Variants in AR observed in about 807,000 individuals in gnomAD.
The protein encoded by AR is dihydrotestosterone receptor.
AR carries 8 observed loss-of-function variants against 53.9 expected under a neutral mutation model. That is an observed-to-expected ratio of 0.15 (90% CI 0.09 to 0.27). AR has a LOEUF of 0.27. Among genes scored for constraint, AR ranks in the 10% least tolerant of loss-of-function variants. The probability of loss-of-function intolerance (pLI) is 1.00; values close to 1 mark genes in which losing one functional copy is unlikely to be tolerated. For synonymous variants in AR, 359 were observed against 316.4 expected (o/e 1.13, Z -1.43); for missense variants, 639 against 742.5 (o/e 0.86, Z 1.62).
chrX:67,708,207 A>C (rs773632674), intron 3 of AR, among the ~76,000 whole-genome samples: 96 of 111,851 alleles, frequency 8.6e-4, no homozygotes, highest in Non-Finnish European at 1.5e-3. Flanking sequence ...AGGTTGGGTA[A>C]GTTCTCCTGG....
chrX:67,580,331 T>G (rs1051065687), intron 1 of AR, among the ~76,000 whole-genome samples: 1 of 111,801 alleles, frequency 8.9e-6, no homozygotes, highest in Non-Finnish European at 1.9e-5. Context: ...TAATAATTAC[T>G]TCTACAAATA....
intron 1 of AR, among the ~76,000 whole-genome samples, chrX:67,631,343 T>C (rs1483342908): frequency 2.7e-5 from 3 of 111,358 alleles, no homozygotes; most frequent in Admixed American, 9.5e-5. Context: ...TCGTTTCTTT[T>C]TATTCTTTTT....
intron 2 of AR, among the ~76,000 whole-genome samples, chrX:67,660,016 T>G (rs981481922): frequency 6.2e-5 from 7 of 112,371 alleles, no homozygotes; most frequent in African/African-American, 2.3e-4. Flanking sequence ...ATGTCTTCTT[T>G]GAGACGTGTC....
At chrX:67,628,210 C>A (rs1773791725) in intron 1 of AR, among the ~76,000 whole-genome samples, 2 of 109,652 alleles carry the variant, frequency 1.8e-5, no homozygotes, top group Admixed American at 2.0e-4. Flanking sequence ...GGCATTGAAT[C>A]TATAAATTAC....
rs2147322501 is a variant in AR at position 67,546,604 on chromosome X, C to T, written c.1458C>T (p.Pro486=). The T allele has an allele frequency of 8.4e-7, 1 of 1,183,711 alleles. No homozygotes were observed. The highest frequency in any genetic ancestry group is 1.1e-6 in the Non-Finnish European group (1 of 881,351). Residue 486 remains proline (P), a synonymous_variant, in exon 1 of 8, where the codon CCC becomes CCT. Transcript: ENST00000374690. ...GAVAPYGYTR[P]PQGLAGQESD... Reference sequence around the variant, plus strand: ...TAGCCCCCTACGGCTACACTCGGCCCCCTCAGGGGCTGGCGGGCCAGGAAA... The same window carrying T: ...TAGCCCCCTACGGCTACACTCGGCCTCCTCAGGGGCTGGCGGGCCAGGAAA...
intron 1 of AR, among the ~76,000 whole-genome samples, chrX:67,568,448 G>A (rs189138350): frequency 9.0e-5 from 10 of 111,337 alleles, no homozygotes; most frequent in Admixed American, 8.6e-4. Context: ...GGAAATCGAG[G>A]GCTTCTGCTC....
chrX:67,703,369 G>C (rs1021494766), intron 3 of AR, among the ~76,000 whole-genome samples: 1 of 111,857 alleles, frequency 8.9e-6, no homozygotes, highest in Non-Finnish European at 1.9e-5. Context: ...AGTAAGCATC[G>C]GAATGCCTAA....
At chrX:67,636,090 A>T (rs962087403) in intron 1 of AR, among the ~76,000 whole-genome samples, 1 of 111,901 alleles carries the variant, frequency 8.9e-6, no homozygotes, top group African/African-American at 3.2e-5. Flanking sequence ...AACAACATTA[A>T]CATCATGATT....
chrX:67,725,284 C>T lies in AR; in HGVS notation c.*1443C>T, dbSNP rs2076153108. On this transcript the variant is annotated 3_prime_UTR_variant, in exon 8 of 8. Transcript: ENST00000374690. ...GTCACAAAGATTTCTTACCAACTCT[C>T]AGATCGCTGGAGCCCTTAGACAAAC... The T allele has an allele frequency of 5.8e-6, 1 of 173,264 alleles. No homozygotes were observed. The highest frequency in any genetic ancestry group is 3.0e-5 in the African/African-American group (1 of 33,628). 14.3% of individuals were successfully genotyped at this position (173,264 alleles called of 1,213,427 possible).
chrX:67,710,435 C>T (rs1221812068), intron 3 of AR, among the ~76,000 whole-genome samples: 1 of 111,272 alleles, frequency 9.0e-6, no homozygotes, highest in Non-Finnish European at 1.9e-5. Flanking sequence ...ATCCTTCCAC[C>T]TCTGCCTCCT....
At chrX:67,650,910 G>T (rs1194782513) in intron 2 of AR, among the ~76,000 whole-genome samples, 1 of 112,019 alleles carries the variant, frequency 8.9e-6, no homozygotes, top group Non-Finnish European at 1.9e-5. Context: ...AACAGGCCTG[G>T]TAGTAATATC....
intron 3 of AR, among the ~76,000 whole-genome samples, chrX:67,704,825 A>C (rs944484504): frequency 8.9e-6 from 1 of 112,071 alleles, no homozygotes; most frequent in Non-Finnish European, 1.9e-5. Context: ...TTTTTCTATA[A>C]GGTGTAAGGA....
chrX:67,605,725 C>G (rs780797950), intron 1 of AR, among the ~76,000 whole-genome samples: 1 of 112,291 alleles, frequency 8.9e-6, no homozygotes, highest in African/African-American at 3.2e-5. Context: ...TCATGGCTGC[C>G]AAGCAGCAGA....
At chrX:67,673,471 A>ATTTT (rs34317430) in intron 2 of AR, among the ~76,000 whole-genome samples, 1 of 68,463 alleles carries the variant, frequency 1.5e-5, no homozygotes, top group African/African-American at 5.0e-5. Context: ...ATTGTTTGCT[A>ATTTT]TTTTTTTTTT....
Position 67,545,057 on chromosome X carries a change from C to A in AR, c.-90C>A. 2 of 1,090,881 alleles carry A rather than the reference C, an allele frequency of 1.8e-6. No individual in the cohort carries two copies. The highest frequency in any genetic ancestry group is 2.4e-6 in the Non-Finnish European group (2 of 829,884). 89.9% of individuals were successfully genotyped at this position (1,090,881 alleles called of 1,213,427 possible). On this transcript the variant is annotated 5_prime_UTR_variant, in exon 1 of 8. Coordinates refer to ENST00000374690, the MANE Select transcript of AR (RefSeq NM_000044.6). ...GGTGGGCAGCTAGCTGCAGCGACTACCGCATCATCACAGCCTGTTGAACTC... is the reference window on the plus strand; with the variant it reads ...GGTGGGCAGCTAGCTGCAGCGACTAACGCATCATCACAGCCTGTTGAACTC...
At chrX:67,639,223 TGTA>T (rs781773886) in intron 1 of AR, among the ~76,000 whole-genome samples, 2 of 112,213 alleles carry the variant, frequency 1.8e-5, no homozygotes, top group East Asian at 2.8e-4. Flanking sequence ...ACTGTAGCCT[TGTA>T]GTATAGTTTG....
intron 1 of AR, among the ~76,000 whole-genome samples, chrX:67,635,190 T>C (rs1925371590): frequency 9.0e-6 from 1 of 111,666 alleles, no homozygotes; most frequent in Admixed American, 9.6e-5. Flanking sequence ...ACAATGTGCC[T>C]ACCATGTGGC....
At chrX:67,551,202 G>A (rs1008459084) in intron 1 of AR, among the ~76,000 whole-genome samples, 1 of 109,357 alleles carries the variant, frequency 9.1e-6, no homozygotes, top group African/African-American at 3.3e-5. Flanking sequence ...AGACAGCTCT[G>A]AGACACTTCC....
rs1275064108 is a variant in AR at position 67,663,032 on chromosome X, C to T, written c.1768+19625C>T. Among the ~76,000 whole-genome samples the T allele has an allele frequency of 6.3e-5, 7 of 111,261 alleles. No individual in the cohort carries two copies. The South Asian group carries it at 1.5e-3, about 24-fold the overall frequency. On this transcript the variant is annotated intron_variant, in intron 2 of 7. Coordinates refer to ENST00000374690, the MANE Select transcript of AR (RefSeq NM_000044.6). ...CCTATGTGTGTCTCTGCATGTTAGA[C>T]GGGTTTCCTGAATACAGCACACTGA... is the stretch of plus-strand genomic sequence containing the variant.
Sources: allele counts gnomAD v4.1 joint callset (sites outside exome capture counted in the v4.1 genomes callset), GRCh38; gene constraint gnomAD v4.1.1; transcripts MANE v1.5; gene names NCBI Gene and HGNC (gene_info 2026-07-23, HGNC 2026-07-21).